Variants in MAP3K4 observed in about 807,000 individuals in gnomAD.
MAP3K4 encodes the protein mitogen-activated protein kinase kinase kinase 4, also known as MAP three kinase 1.
A neutral mutation model predicts 185.6 loss-of-function variants in MAP3K4; 67 were observed. The observed-to-expected ratio is 0.36, with a 90% CI of 0.30 to 0.44. MAP3K4 has a LOEUF of 0.44. Ranked by LOEUF, MAP3K4 falls within the 20% of genes least tolerant of loss-of-function variation. The pLI is 1.00. For missense variants in MAP3K4, 1,551 were observed against 1,995.1 expected (o/e 0.78, Z 4.24); for synonymous variants, 702 against 710.4 (o/e 0.99, Z 0.19).
chr6:161,080,199 T>C lies in MAP3K4; in HGVS notation c.2098-682T>C, dbSNP rs1186089388. On this transcript the variant is annotated intron_variant, in intron 5 of 26. Coordinates refer to ENST00000392142, the MANE Select transcript of MAP3K4 (RefSeq NM_005922.4). This position sits in a 1 kb window ranked among gnomAD's most constrained non-coding sequence, Gnocchi z 4.8. ...CTATTCTTTTAAGTAAAGGAGTCCATAGACAGGGTTGTTCTAGAAGGTGGC... is the reference window on the plus strand; with the variant it reads ...CTATTCTTTTAAGTAAAGGAGTCCACAGACAGGGTTGTTCTAGAAGGTGGC... Among the ~76,000 whole-genome samples, 1 of 152,136 alleles carries C rather than the reference T, an allele frequency of 6.6e-6. No homozygotes were observed. The highest frequency in any genetic ancestry group is 1.9e-4 in the East Asian group (1 of 5,192).
At position 161,098,675 on chromosome 6, in the gene MAP3K4, G is replaced by T. The variant is rs550798978; in HGVS notation, c.3674+248G>T. ...TAGCCAAAATGACTAAAGACTTTGC[G>T]AAGAATAACTTGATGGAGTATCATA... On this transcript the variant is annotated intron_variant, in intron 17 of 26. Transcript: ENST00000392142. This position sits in a 1 kb window ranked among gnomAD's most constrained non-coding sequence, Gnocchi z 4.4. Among the ~76,000 whole-genome samples, 1 of 152,174 alleles carries T rather than the reference G, an allele frequency of 6.6e-6. No individual in the cohort carries two copies. Among genetic ancestry groups the T allele is most frequent in the South Asian group, 2.1e-4 (1 of 4,832 alleles).
At chr6:161,042,922 ACAC>A (rs1388420258) in intron 2 of MAP3K4, among the ~76,000 whole-genome samples, 1 of 141,722 alleles carries the variant, frequency 7.1e-6, no homozygotes, top group African/African-American at 3.2e-5. Context: ...ACACACACAC[ACAC>A]ACACACACAC....
In MAP3K4 at chr6:161,098,850, T is replaced by TA. The variant is rs1485841095; in HGVS notation, c.3674+424dup. Among the ~76,000 whole-genome samples, 1 of 152,156 alleles carries TA rather than the reference T, an allele frequency of 6.6e-6. No homozygotes were observed. Reference sequence around the variant, plus strand: ...TGGGAAGATCAGTTTTCTAGCCAAATACTCTATTTTAAATAATTGTTGATT... The same window carrying TA: ...TGGGAAGATCAGTTTTCTAGCCAAATAACTCTATTTTAAATAATTGTTGATT... On this transcript the variant is annotated intron_variant, in intron 17 of 26. Transcript: ENST00000392142. The surrounding 1 kb of genome is among the most constrained non-coding windows in gnomAD (Gnocchi z 4.4).
chr6:161,101,665 TTCACTTAGGGGGCTGA>T lies in MAP3K4; in HGVS notation c.3675-225_3675-210del. On this transcript the variant is annotated intron_variant, in intron 17 of 26. Coordinates refer to ENST00000392142, the MANE Select transcript of MAP3K4 (RefSeq NM_005922.4). The surrounding 1 kb of genome is among the most constrained non-coding windows in gnomAD (Gnocchi z 5.1). Reference sequence around the variant, plus strand: ...GAGGACGGTCTCCACAGCAGCGCTGTTCACTTAGGGGGCTGATTCTGGTGGGTCTGTCCTGTGCGTT... The same window carrying T: ...GAGGACGGTCTCCACAGCAGCGCTGTTTCTGGTGGGTCTGTCCTGTGCGTT... The T allele has an allele frequency of 6.4e-6, 3 of 465,212 alleles. No individual in the cohort carries two copies. Among genetic ancestry groups the T allele is most frequent in the Non-Finnish European group, 1.2e-5 (3 of 257,500 alleles). The allele number at this position is 465,212 out of a possible 1,614,324, so 28.8% of individuals were successfully genotyped here.
Position 161,093,021 on chromosome 6 carries a change from G to A in MAP3K4, c.3313G>A (p.Ala1105Thr), listed in dbSNP as rs1316892769. The A allele has an allele frequency of 2.5e-6, 4 of 1,613,592 alleles. No individual in the cohort carries two copies. The highest frequency in any genetic ancestry group is 2.2e-5 in the East Asian group (1 of 44,818). The change falls in exon 14 of 27, where the codon GCC (alanine) becomes ACC (threonine). Residue 1105 changes from alanine to threonine, a missense_variant. Ala to Thr is a moderately conservative substitution (Grantham distance 58, BLOSUM62 0). Around this residue, in one of 16 missense-constraint regions of MAP3K4, gnomAD observed 272 missense variants for 301.2 expected, o/e 0.90. Coordinates refer to ENST00000392142, the MANE Select transcript of MAP3K4 (RefSeq NM_005922.4). This position sits in a 1 kb window ranked among gnomAD's most constrained non-coding sequence, Gnocchi z 5.2. ...GFDFLQAIEP[A>T]FISALPEDDF... The stretch of plus-strand genomic sequence containing the variant: ...TGATTTTCTACAAGCAATTGAACCT[G>A]CCTTTATTTCAGCTTTACCAGAAGA...
chr6:161,026,122 A>G (rs182013628), intron 1 of MAP3K4, among the ~76,000 whole-genome samples: 58 of 152,076 alleles, frequency 3.8e-4, no homozygotes, highest in African/African-American at 1.2e-3. Context: ...GGCCCAATCT[A>G]AGAAGGAAGG....
At position 161,091,931 on chromosome 6, in the gene MAP3K4, T is replaced by C. The variant is rs943426842; in HGVS notation, c.3136-79T>C. On this transcript the variant is annotated intron_variant, in intron 12 of 26. Coordinates refer to ENST00000392142, the MANE Select transcript of MAP3K4 (RefSeq NM_005922.4). This position sits in a 1 kb window ranked among gnomAD's most constrained non-coding sequence, Gnocchi z 5.5. ...TTCACTTTTTGTTTTTAGAAAACAT[T>C]TTAGACATGGCATTATAGTGTGTGA... 11 of 1,212,530 alleles carry C rather than the reference T, an allele frequency of 9.1e-6. No individual in the cohort carries two copies. The African/African-American group carries it at 1.7e-4, about 18-fold the overall frequency. The allele number at this position is 1,212,530 out of a possible 1,614,324, so 75.1% of individuals were successfully genotyped here.
In MAP3K4 at chr6:161,086,481, G is replaced by A. The variant is rs756879085; in HGVS notation, c.2472+3G>A. 2 of 1,613,218 alleles carry A rather than the reference G, an allele frequency of 1.2e-6. No individual in the cohort carries two copies. On this transcript the variant is annotated splice_donor_region_variant and intron_variant, in intron 8 of 26. Coordinates refer to ENST00000392142, the MANE Select transcript of MAP3K4 (RefSeq NM_005922.4). The surrounding 1 kb of genome is among the most constrained non-coding windows in gnomAD (Gnocchi z 4.8). The stretch of plus-strand genomic sequence containing the variant: ...GATTTGCTAAAATGTTGAGAAAGGT[G>A]AGCTTGCAATCCTGATTAATTAGTA...
intron 3 of MAP3K4, among the ~76,000 whole-genome samples, chr6:161,060,961 T>G (rs1784462995): frequency 6.6e-6 from 1 of 152,172 alleles, no homozygotes; most frequent in African/African-American, 2.4e-5. Flanking sequence ...TAGTTCCCTT[T>G]ATTGAGAAAT....
chr6:161,019,543 A>G (rs1421370914), intron 1 of MAP3K4, among the ~76,000 whole-genome samples: 3 of 152,194 alleles, frequency 2.0e-5, no homozygotes, highest in Non-Finnish European at 4.4e-5. Context: ...AGTAGCTGGA[A>G]TTACAGGCGT....
At chr6:160,995,723 C>G (rs1285186874) in intron 1 of MAP3K4, among the ~76,000 whole-genome samples, 4 of 152,146 alleles carry the variant, frequency 2.6e-5, no homozygotes, top group Admixed American at 2.6e-4. Flanking sequence ...GCTTCTGGGG[C>G]AGTTTTAGGA....
intron 1 of MAP3K4, among the ~76,000 whole-genome samples, chr6:160,998,654 A>G (rs1302110447): frequency 1.3e-5 from 2 of 152,230 alleles, no homozygotes; most frequent in Non-Finnish European, 2.9e-5. Context: ...AACAACTCCA[A>G]CAGTAACAAA....
At chr6:161,024,820 G>A (rs6913706) in intron 1 of MAP3K4, among the ~76,000 whole-genome samples, 134,740 of 152,252 alleles carry the variant, frequency 0.88, 59,673 homozygotes, top group East Asian at 0.99. Context: ...TCTGTCACCA[G>A]AGTGTAGCCC....
rs953729370 is a variant in MAP3K4 at position 161,024,608 on chromosome 6, C to T, written c.153-9651C>T. Among the ~76,000 whole-genome samples the T allele has an allele frequency of 5.9e-5, 9 of 152,072 alleles. 1 individual carries two copies. The highest frequency in any genetic ancestry group is 5.9e-5 in the Non-Finnish European group (4 of 68,010). On this transcript the variant is annotated intron_variant, in intron 1 of 26. Transcript: ENST00000392142. ...TGATTAGGTATTCTGTAGAAAGTCC[C>T]GCAACTTGGGTTTGTCAGGTGTTTT...
rs34235824 is a variant in MAP3K4, at chr6:161,112,203, CTT to C, written c.4519+248_4519+249del. 0.28 allele frequency among the ~76,000 whole-genome samples: 42,644 copies of C among 152,004 alleles called. 6,461 individuals are homozygous for C. Among genetic ancestry groups the C allele is most frequent in the East Asian group, 0.47 (2,399 of 5,144 alleles). On this transcript the variant is annotated intron_variant, in intron 24 of 26. Transcript: ENST00000392142. The surrounding 1 kb of genome is among the most constrained non-coding windows in gnomAD (Gnocchi z 5.1). ...GCCTCTTTTTCTCACCAGAACAACT[CTT>C]TTGTTGTTTGCATTGTTTTTCTTAA...
chr6:161,066,369 C>G (rs920739866), intron 3 of MAP3K4, among the ~76,000 whole-genome samples: 2 of 151,564 alleles, frequency 1.3e-5, no homozygotes, highest in Non-Finnish European at 2.9e-5. Context: ...ATCTGACTTC[C>G]ATGTCTCTTG....
intron 23 of MAP3K4, among the ~76,000 whole-genome samples, chr6:161,111,063 A>G (rs1357530578): frequency 6.6e-6 from 1 of 152,218 alleles, no homozygotes; most frequent in Non-Finnish European, 1.5e-5. Context: ...GCTCGAGAAG[A>G]TCAAGCTGCC....
chr6:161,060,463 C>G (rs756798915), intron 3 of MAP3K4, among the ~76,000 whole-genome samples: 20 of 152,102 alleles, frequency 1.3e-4, no homozygotes, highest in Non-Finnish European at 5.9e-5. Flanking sequence ...ATGTTCACGT[C>G]CCATCTTTGG....
Position 161,070,355 on chromosome 6 carries a change from C to G in MAP3K4, c.1708-253C>G, listed in dbSNP as rs909426223. On this transcript the variant is annotated intron_variant, in intron 3 of 26. Transcript: ENST00000392142. This position sits in a 1 kb window ranked among gnomAD's most constrained non-coding sequence, Gnocchi z 4.5. ...TGAACCTGATTCTTTTTCTAATATA[C>G]TTCTTTGATCAAAGTATTGCAATTT... Among the ~76,000 whole-genome samples the G allele has an allele frequency of 1.3e-5, 2 of 152,152 alleles. No individual in the cohort carries two copies. Among genetic ancestry groups the G allele is most frequent in the African/African-American group, 4.8e-5 (2 of 41,432 alleles).
Sources: gnomAD v4.1 joint callset for allele counts (sites outside exome capture counted in the v4.1 genomes callset) on GRCh38, gnomAD v4.1.1 for gene constraint, gnomAD v4.1.1 regional missense constraint, Gnocchi (gnomAD v3.1) non-coding constraint, MANE v1.5 for transcripts, NCBI Gene and HGNC (gene_info 2026-07-23, HGNC 2026-07-21) for gene names.